Variants in WDR11 observed in about 807,000 individuals in gnomAD.
WDR11 encodes WD repeat-containing protein 11.
In WDR11, 83 loss-of-function variants were observed where a neutral mutation model predicts 151.2. The ratio of observed to expected loss-of-function variants is 0.55; its 90% CI spans 0.46 to 0.66. The LOEUF (loss-of-function observed/expected upper bound fraction) is 0.66. Ranked by LOEUF, WDR11 falls within the 30% of genes least tolerant of loss-of-function variation. WDR11 has a pLI of 0.00. For synonymous variants in WDR11, 484 were observed against 533.1 expected (o/e 0.91, Z 1.27); for missense variants, 1,301 against 1,480.9 (o/e 0.88, Z 1.99).
chr10:120,903,291 G>C lies in WDR11; in HGVS notation c.2931+59G>C, dbSNP rs141907721. On this transcript the variant is annotated intron_variant, in intron 23 of 28. Transcript: ENST00000263461. ...TGTCATCTTGATTACTTATATCTTTGTCAATATCTTAAACTTGGGAAACTT... is the reference window on the plus strand; with the variant it reads ...TGTCATCTTGATTACTTATATCTTTCTCAATATCTTAAACTTGGGAAACTT... The C allele has an allele frequency of 9.7e-5, 154 of 1,590,830 alleles. No homozygotes were observed. In the East Asian group the frequency reaches 3.4e-3, roughly 35 times the overall value.
intron 4 of WDR11, among the ~76,000 whole-genome samples, chr10:120,861,542 G>A (rs7895222): frequency 0.025 from 3,877 of 152,292 alleles, 84 homozygotes; most frequent in African/African-American, 0.056. Context: ...AAGGCAACAA[G>A]GCTTTCAGCT....
At chr10:120,904,536 T>A (rs1317654610) in intron 24 of WDR11, 110 bp from the exon 25 acceptor site, 1 of 1,333,394 alleles carries the variant, frequency 7.5e-7, no homozygotes. Flanking sequence ...AATATTCAAT[T>A]GCATTTTTTG....
At chr10:120,876,627 C>A (rs2000378) in intron 11 of WDR11, among the ~76,000 whole-genome samples, 56,416 of 151,918 alleles carry the variant, frequency 0.37, 10,565 homozygotes, top group Admixed American at 0.44. Flanking sequence ...TTTCCCATCT[C>A]CTCTTCTCTC....
chr10:120,900,304 C>T (rs985682427), intron 20 of WDR11, among the ~76,000 whole-genome samples, 167 bp downstream of exon 20: 15 of 152,010 alleles, frequency 9.9e-5, no homozygotes, highest in Non-Finnish European at 2.1e-4. Flanking sequence ...GGTTCTCGGG[C>T]CTTTGTGGAA....
rs1554854853 is a variant in WDR11 at position 120,874,190 on chromosome 10, TTTG to T, written c.1556+285_1556+287del. On this transcript the variant is annotated intron_variant, in intron 11 of 28. Coordinates refer to ENST00000263461, the MANE Select transcript of WDR11 (RefSeq NM_018117.12). ...CGGTTTTTGCAGTTTTTTTTTTTTTTTTGTTGTTGTTGTTGTTGTTTGTTTTGT... is the reference window on the plus strand; with the variant it reads ...CGGTTTTTGCAGTTTTTTTTTTTTTTTTGTTGTTGTTGTTGTTTGTTTTGT... Among the ~76,000 whole-genome samples, 154 of 105,110 alleles carry T rather than the reference TTTG, an allele frequency of 1.5e-3. 1 individual carries two copies. Among genetic ancestry groups the T allele is most frequent in the South Asian group, 5.0e-3 (16 of 3,232 alleles). The allele number at this position is 105,110 out of a possible 152,430, so 69.0% of individuals were successfully genotyped here.
At chr10:120,890,058 G>T (rs759868732) in intron 18 of WDR11, 49 bp downstream of exon 18, 2 of 1,335,000 alleles carry the variant, frequency 1.5e-6, no homozygotes, top group South Asian at 1.2e-5. Context: ...TTAGCCATAG[G>T]AACTGTGCTT....
intron 11 of WDR11, among the ~76,000 whole-genome samples, chr10:120,874,319 C>T (rs1846677904): frequency 6.6e-6 from 1 of 150,850 alleles, no homozygotes; most frequent in Non-Finnish European, 1.5e-5. Flanking sequence ...GCTGTTTTCT[C>T]ACTGGATATC....
At chr10:120,877,357 A>G in intron 11 of WDR11, among the ~76,000 whole-genome samples, 1 of 152,194 alleles carries the variant, frequency 6.6e-6, no homozygotes, top group East Asian at 1.9e-4. Flanking sequence ...TTTGTATTTT[A>G]TATTCAGAGA....
chr10:120,857,133 A>T (rs1845975633), intron 2 of WDR11, among the ~76,000 whole-genome samples: 1 of 152,218 alleles, frequency 6.6e-6, no homozygotes, highest in Non-Finnish European at 1.5e-5. Flanking sequence ...TCTCATACTT[A>T]GAAACGGTAG....
chr10:120,882,381 C>T (rs1847040200), intron 13 of WDR11, among the ~76,000 whole-genome samples: 1 of 150,998 alleles, frequency 6.6e-6, no homozygotes, highest in Admixed American at 6.6e-5. Context: ...CAGGGTAATA[C>T]TGACCTTGCA....
intron 5 of WDR11, among the ~76,000 whole-genome samples, chr10:120,864,432 A>G (rs1410922636): frequency 1.3e-5 from 2 of 152,250 alleles, no homozygotes; most frequent in African/African-American, 4.8e-5. Flanking sequence ...ACAAATTATT[A>G]AAATGATTTT....
intron 16 of WDR11, among the ~76,000 whole-genome samples, chr10:120,887,272 G>T (rs893957862): frequency 6.6e-6 from 1 of 152,156 alleles, no homozygotes; most frequent in Non-Finnish European, 1.5e-5. Context: ...TAATCAGGTT[G>T]TAAGTGTAAT....
intron 4 of WDR11, among the ~76,000 whole-genome samples, chr10:120,862,138 T>C (rs1846162799): frequency 1.5e-5 from 2 of 133,644 alleles, no homozygotes; most frequent in African/African-American, 5.1e-5. Flanking sequence ...TTTTTTGTTT[T>C]TGTTTTTGTT....
chr10:120,869,651 G>T (rs951424956), intron 9 of WDR11, among the ~76,000 whole-genome samples: 56 of 152,130 alleles, frequency 3.7e-4, no homozygotes, highest in African/African-American at 1.3e-3. Flanking sequence ...GGCCTAATTT[G>T]CCCTACATTG....
chr10:120,863,832 A>G lies in WDR11; in HGVS notation c.713+911A>G, dbSNP rs140984869. Reference sequence around the variant, plus strand: ...GCACTTGTGTGTAAGTATCACTTCTATATATTAAGCCATAGGCTGGTTAAG... The same window carrying G: ...GCACTTGTGTGTAAGTATCACTTCTGTATATTAAGCCATAGGCTGGTTAAG... On this transcript the variant is annotated intron_variant, in intron 5 of 28. Coordinates refer to ENST00000263461, the MANE Select transcript of WDR11 (RefSeq NM_018117.12). Among the ~76,000 whole-genome samples, 457 of 152,268 alleles carry G rather than the reference A, an allele frequency of 3.0e-3. 2 individuals are homozygous for G. The highest frequency in any genetic ancestry group is 0.011 in the African/African-American group (438 of 41,558).
chr10:120,897,890 T>TAA (rs904523980), intron 19 of WDR11, among the ~76,000 whole-genome samples: 1 of 151,254 alleles, frequency 6.6e-6, no homozygotes, highest in African/African-American at 2.4e-5. Context: ...TTCTTGGGTG[T>TAA]AAAAAAAAAG....
intron 19 of WDR11, among the ~76,000 whole-genome samples, chr10:120,896,499 C>G (rs1386004858): frequency 6.6e-6 from 1 of 152,126 alleles, no homozygotes; most frequent in Non-Finnish European, 1.5e-5. Flanking sequence ...TTGAACCAAA[C>G]TGTGTAACAA....
At chr10:120,899,910 C>A (rs1169473160) in intron 19 of WDR11, 119 bp from the exon 20 acceptor site, 2 of 786,178 alleles carry the variant, frequency 2.5e-6, no homozygotes, top group South Asian at 1.5e-5. Flanking sequence ...AATATACTCT[C>A]AGTTGTTCCA....
Position 120,851,374 on chromosome 10 carries a change from G to T in WDR11, c.-47G>T. 1 of 1,557,016 alleles carries T rather than the reference G, an allele frequency of 6.4e-7. No homozygotes were observed. The highest frequency in any genetic ancestry group is 1.3e-5 in the African/African-American group (1 of 74,288). On this transcript the variant is annotated 5_prime_UTR_variant, in exon 1 of 29. Coordinates refer to ENST00000263461, the MANE Select transcript of WDR11 (RefSeq NM_018117.12). ...TTGGAACGGAAGCACAGTGTCCGCCGCTTCCTGGTTGCGGGTCAGCGCCCA... is the reference window on the plus strand; with the variant it reads ...TTGGAACGGAAGCACAGTGTCCGCCTCTTCCTGGTTGCGGGTCAGCGCCCA...
Sources: gnomAD v4.1 joint callset for allele counts (sites outside exome capture counted in the v4.1 genomes callset) on GRCh38, gnomAD v4.1.1 for gene constraint, MANE v1.5 for transcripts, NCBI Gene and HGNC (gene_info 2026-07-23, HGNC 2026-07-21) for gene names.